The following NKIRAS1 variants were observed in gnomAD, a reference collection of about 807,000 sequenced individuals.
The protein encoded by NKIRAS1 is NFKB inhibitor interacting Ras like 1.
In NKIRAS1, 16 loss-of-function variants were observed where a neutral mutation model predicts 19.8. The observed-to-expected ratio is 0.81, with a 90% CI of 0.55 to 1.23. The LOEUF is 1.23. Among genes scored for constraint, NKIRAS1 ranks in the 50% most tolerant of loss-of-function variants. NKIRAS1 has a pLI of 0.00. For synonymous variants in NKIRAS1, 88 were observed against 79.0 expected (o/e 1.11, Z -0.61); for missense variants, 184 against 220.0 (o/e 0.84, Z 1.04).
At chr3:23,897,753 C>G (rs1702122762) in intron 4 of NKIRAS1, among the ~76,000 whole-genome samples, 1 of 152,122 alleles carries the variant, frequency 6.6e-6, no homozygotes, top group Admixed American at 6.6e-5. Context: ...AAAATAGCAC[C>G]CTCATTCCCC....
upstream of NKIRAS1, chr3:23,919,087 TAA>T: frequency 2.7e-6 from 2 of 729,524 alleles, no homozygotes; most frequent in Non-Finnish European, 2.4e-6. Context: ...ACTTGAGTAG[TAA>T]AAGACTCTTG....
upstream of NKIRAS1, chr3:23,919,132 T>C (rs1434684878): frequency 1.2e-5 from 13 of 1,123,562 alleles, no homozygotes; most frequent in Non-Finnish European, 1.7e-5. Context: ...GAATTAAAAT[T>C]CTTTCTGACT....
upstream of NKIRAS1, chr3:23,918,116 C>T (rs1704775408): frequency 6.7e-7 from 1 of 1,486,948 alleles, no homozygotes; most frequent in South Asian, 1.3e-5. Flanking sequence ...ACTGCTGCCT[C>T]AGTGTCTTTC....
At chr3:23,909,894 C>G (rs1320228948) in intron 3 of NKIRAS1, among the ~76,000 whole-genome samples, 1 of 139,342 alleles carries the variant, frequency 7.2e-6, no homozygotes, top group African/African-American at 2.6e-5. Flanking sequence ...GAGTCTCGCT[C>G]TGTCGCCAGG....
At chr3:23,943,522 C>T (rs979530601) in intron 1 of NKIRAS1, among the ~76,000 whole-genome samples, 2 of 152,254 alleles carry the variant, frequency 1.3e-5, no homozygotes, top group African/African-American at 2.4e-5. Flanking sequence ...TCAGCCCCCG[C>T]GCCCAGCCCA....
chr3:23,895,256 C>G (rs1701869203), intron 4 of NKIRAS1, among the ~76,000 whole-genome samples: 1 of 152,164 alleles, frequency 6.6e-6, no homozygotes, highest in Non-Finnish European at 1.5e-5. Flanking sequence ...AAGCAATCCT[C>G]CTGCCTCAGC....
chr3:23,893,734 G>C (rs955989774), intron 4 of NKIRAS1, among the ~76,000 whole-genome samples: 1 of 149,730 alleles, frequency 6.7e-6, no homozygotes, highest in Non-Finnish European at 1.5e-5. Context: ...GAGGCAGAGA[G>C]GGTGCAGTAA....
chr3:23,902,335 T>C (rs1435443898), intron 3 of NKIRAS1, among the ~76,000 whole-genome samples: 1 of 152,182 alleles, frequency 6.6e-6, no homozygotes, highest in Admixed American at 6.5e-5. Context: ...ATACATAGAT[T>C]GGATCATTGA....
chr3:23,898,695 C>T (rs544197799), intron 4 of NKIRAS1, among the ~76,000 whole-genome samples: 7 of 152,118 alleles, frequency 4.6e-5, no homozygotes, highest in Non-Finnish European at 1.0e-4. Context: ...CTGCCCACCT[C>T]GGCCTCCCAA....
chr3:23,936,795 C>T (rs1188087970), intron 1 of NKIRAS1, among the ~76,000 whole-genome samples: 1 of 152,212 alleles, frequency 6.6e-6, no homozygotes, highest in Non-Finnish European at 1.5e-5. Context: ...ATCCGCCTGC[C>T]TCGGCCTCCC....
chr3:23,918,213 G>T (rs1292012738), upstream of NKIRAS1: 3 of 950,694 alleles, frequency 3.2e-6, no homozygotes, highest in Non-Finnish European at 4.7e-6. Context: ...TGTGTCAAAG[G>T]TTACAAATCT....
chr3:23,908,916 A>G (rs2125408621), intron 3 of NKIRAS1, among the ~76,000 whole-genome samples: 2 of 150,932 alleles, frequency 1.3e-5, no homozygotes, highest in South Asian at 4.2e-4. Context: ...CTAGTCTCAA[A>G]CTCCTGAGCC....
upstream of NKIRAS1, chr3:23,920,272 A>G: frequency 1.7e-5 from 17 of 985,730 alleles, no homozygotes; most frequent in Non-Finnish European, 2.0e-5. Context: ...ATTAGGGGGA[A>G]AGTAGTTGGC....
chr3:23,918,057 T>C, upstream of NKIRAS1: 1 of 1,589,326 alleles, frequency 6.3e-7, no homozygotes, highest in Non-Finnish European at 8.6e-7. Context: ...CGTGGATGCT[T>C]GGATAAAATT....
exon 1 of NKIRAS1, chr3:23,946,442 G>A: frequency 3.3e-6 from 1 of 303,708 alleles, no homozygotes; most frequent in Non-Finnish European, 4.8e-6. Context: ...GAGGTGCTTC[G>A]ATCCCGAGCG....
intron 3 of NKIRAS1, among the ~76,000 whole-genome samples, chr3:23,903,401 C>A (rs931861213): frequency 7.2e-5 from 11 of 152,162 alleles, no homozygotes; most frequent in Non-Finnish European, 1.3e-4. Context: ...AGGCATGAGC[C>A]ACTGCACTGG....
At position 23,893,036 on chromosome 3, in the gene NKIRAS1, G is replaced by A; in HGVS notation, c.*59C>T. The A allele has an allele frequency of 6.8e-7, 1 of 1,477,302 alleles. No individual in the cohort carries two copies. The highest frequency in any genetic ancestry group is 9.0e-7 in the Non-Finnish European group (1 of 1,110,882). 91.5% of individuals were successfully genotyped at this position (1,477,302 alleles called of 1,614,324 possible). Reference sequence around the variant, plus strand: ...ATTTTAAATAGTAATATTACTCCATGTTCACAGACACTTAAAGGCAATCAC... The same window carrying A: ...ATTTTAAATAGTAATATTACTCCATATTCACAGACACTTAAAGGCAATCAC... On this transcript the variant is annotated 3_prime_UTR_variant, in exon 5 of 5. Transcript: ENST00000425478.
chr3:23,905,001 T>A (rs1702883691), intron 3 of NKIRAS1, among the ~76,000 whole-genome samples: 1 of 152,156 alleles, frequency 6.6e-6, no homozygotes. Context: ...CTTTTATTTT[T>A]TTTTCTAAAT....
chr3:23,945,563 C>G (rs1016486424), intron 1 of NKIRAS1: 4 of 1,164,798 alleles, frequency 3.4e-6, no homozygotes, highest in Non-Finnish European at 4.3e-6. Flanking sequence ...GCCCCGGCCG[C>G]CTCCGCGAGG....
Sources: allele counts gnomAD v4.1 joint callset (sites outside exome capture counted in the v4.1 genomes callset), GRCh38; gene constraint gnomAD v4.1.1; transcripts MANE v1.5; gene names NCBI Gene and HGNC (gene_info 2026-07-23, HGNC 2026-07-21).